The following PAK3 variants were observed in gnomAD, a reference collection of about 807,000 sequenced individuals.
PAK3 encodes p21 (RAC1) activated kinase 3, also known as serine/threonine-protein kinase PAK 3.
Under a neutral mutation model 41.0 loss-of-function variants are expected in PAK3, and 4 were observed. The observed-to-expected ratio is 0.10, with a 90% CI of 0.05 to 0.22. The LOEUF is 0.22. PAK3 is among the 10% of genes least tolerant of loss of function. The pLI is 1.00. For synonymous variants in PAK3, 146 were observed against 139.6 expected (o/e 1.05, Z -0.32); for missense variants, 205 against 409.9 (o/e 0.50, Z 4.32).
At chrX:111,027,567 A>G (rs760970958) in intron 1 of PAK3, among the ~76,000 whole-genome samples, 1 of 112,346 alleles carries the variant, frequency 8.9e-6, no homozygotes, top group African/African-American at 3.2e-5. Context: ...ATATGGAAAA[A>G]TGCTCAACAT....
At chrX:111,152,052 A>G (rs1485853082) in intron 7 of PAK3, among the ~76,000 whole-genome samples, 1 of 112,426 alleles carries the variant, frequency 8.9e-6, no homozygotes, top group Non-Finnish European at 1.9e-5. Flanking sequence ...ACCACAGTTG[A>G]CCACAGGTAG....
At chrX:111,088,445 A>G (rs1389109410) in intron 1 of PAK3, among the ~76,000 whole-genome samples, 1 of 111,962 alleles carries the variant, frequency 8.9e-6, no homozygotes, top group African/African-American at 3.2e-5. Flanking sequence ...CAGTACCATT[A>G]CACTAAATTT....
intron 16 of PAK3, among the ~76,000 whole-genome samples, chrX:111,202,755 A>T (rs1452595780): frequency 9.0e-6 from 1 of 111,640 alleles, no homozygotes; most frequent in Non-Finnish European, 1.9e-5. Context: ...ACAGGTTTTG[A>T]TGGAATTTGT....
chrX:111,142,466 A>T (rs1257233255), intron 6 of PAK3, among the ~76,000 whole-genome samples: 3 of 111,898 alleles, frequency 2.7e-5, no homozygotes, highest in Non-Finnish European at 5.7e-5. Context: ...CAGAAGATGT[A>T]CTCCTGGCAG....
chrX:111,027,157 A>T (rs751856051), intron 1 of PAK3, among the ~76,000 whole-genome samples: 1 of 111,557 alleles, frequency 9.0e-6, no homozygotes, highest in East Asian at 2.8e-4. Flanking sequence ...TACAAAAATT[A>T]ACTAAAGATG....
At chrX:111,162,036 G>A (rs757404852) in intron 8 of PAK3, among the ~76,000 whole-genome samples, 8 of 111,551 alleles carry the variant, frequency 7.2e-5, no homozygotes, top group East Asian at 5.7e-4. Flanking sequence ...AATACAGATC[G>A]CTGGGCTCCA....
chrX:111,054,041 C>T (rs1052339281), intron 1 of PAK3, among the ~76,000 whole-genome samples: 2 of 112,119 alleles, frequency 1.8e-5, no homozygotes, highest in African/African-American at 3.2e-5. Context: ...TGAGGCAACC[C>T]TTGTGCAGAT....
chrX:111,077,370 A>G (rs770335257), intron 1 of PAK3, among the ~76,000 whole-genome samples: 13 of 112,411 alleles, frequency 1.2e-4, no homozygotes, highest in African/African-American at 3.9e-4. Context: ...GAGTGAAAAG[A>G]ACAAAGCTGT....
At chrX:111,103,897 G>A (rs748923988) in intron 4 of PAK3, among the ~76,000 whole-genome samples, 4 of 111,642 alleles carry the variant, frequency 3.6e-5, no homozygotes, top group Non-Finnish European at 7.5e-5. Flanking sequence ...AGTCTGTAGC[G>A]TGCAGGGTAG....
At chrX:111,120,610 C>T (rs2093553294) in intron 4 of PAK3, among the ~76,000 whole-genome samples, 1 of 111,713 alleles carries the variant, frequency 9.0e-6, no homozygotes, top group Non-Finnish European at 1.9e-5. Flanking sequence ...GCGTGTTTTC[C>T]TGACTTCTGT....
rs775788037 is a variant in PAK3 at position 111,125,899 on chromosome X, G to T, written c.175+2621G>T. Among the ~76,000 whole-genome samples, 3 of 111,863 alleles carry T rather than the reference G, an allele frequency of 2.7e-5. No individual in the cohort carries two copies. The East Asian group carries it at 8.5e-4, about 32-fold the overall frequency. On this transcript the variant is annotated intron_variant, in intron 5 of 17. Coordinates refer to ENST00000372007, the MANE Select transcript of PAK3 (RefSeq NM_002578.5). ...AATAAGCTACCTTCAGACAAAGATT[G>T]AATGATTAAATTGAACTCCATACAG... is the stretch of plus-strand genomic sequence containing the variant.
intron 1 of PAK3, among the ~76,000 whole-genome samples, chrX:111,067,868 C>T (rs1014606954): frequency 9.1e-6 from 1 of 110,307 alleles, no homozygotes; most frequent in African/African-American, 3.3e-5. Flanking sequence ...GAGGAGCCGT[C>T]CATCTTGTTG....
At chrX:111,181,985 G>C (rs2094467060) in intron 11 of PAK3, among the ~76,000 whole-genome samples, 1 of 112,003 alleles carries the variant, frequency 8.9e-6, no homozygotes, top group Non-Finnish European at 1.9e-5. Context: ...TGTTTATGGA[G>C]CAATGGAAGA....
intron 1 of PAK3, among the ~76,000 whole-genome samples, chrX:111,051,829 T>C (rs928306031): frequency 5.4e-5 from 6 of 111,672 alleles, no homozygotes; most frequent in African/African-American, 2.0e-4. Context: ...GTCACTAGAG[T>C]CTTATGAATA....
At chrX:111,179,128 C>G (rs1045828146) in intron 11 of PAK3, among the ~76,000 whole-genome samples, 1 of 108,333 alleles carries the variant, frequency 9.2e-6, no homozygotes, top group African/African-American at 3.3e-5. Flanking sequence ...TTTTTCTACT[C>G]TCATATTTCA....
intron 1 of PAK3, among the ~76,000 whole-genome samples, chrX:110,966,606 G>A (rs1340723247): frequency 9.0e-6 from 1 of 111,118 alleles, no homozygotes; most frequent in Non-Finnish European, 1.9e-5. Context: ...TTTGACTGCA[G>A]TTTTAGAAGA....
intron 4 of PAK3, among the ~76,000 whole-genome samples, chrX:111,116,532 T>G (rs1458112275): frequency 8.9e-6 from 1 of 112,129 alleles, no homozygotes; most frequent in Admixed American, 9.5e-5. Flanking sequence ...TAACTATACT[T>G]AAGAAAAAGA....
intron 1 of PAK3, among the ~76,000 whole-genome samples, chrX:111,006,852 T>TCTTTCTTTCTTTCTTTCTTTCTTTC (rs1265819390): frequency 3.5e-5 from 3 of 84,630 alleles, no homozygotes; most frequent in Admixed American, 2.8e-4. Context: ...TTTCTTTCTT[T>TCTTTCTTTCTTTCTTTCTTTCTTTC]TTTTTTTTTT....
chrX:111,025,745 A>T (rs543281493), intron 1 of PAK3, among the ~76,000 whole-genome samples: 2 of 110,674 alleles, frequency 1.8e-5, no homozygotes, highest in African/African-American at 6.6e-5. Context: ...TCCTATTCAT[A>T]CTATTCCACA....
Sources: gnomAD v4.1 joint callset for allele counts (sites outside exome capture counted in the v4.1 genomes callset) on GRCh38, gnomAD v4.1.1 for gene constraint, MANE v1.5 for transcripts, NCBI Gene and HGNC (gene_info 2026-07-23, HGNC 2026-07-21) for gene names.